PLXND1: variants seen among roughly 807,000 people sequenced by gnomAD.
PLXND1 encodes the protein plexin-D1.
In PLXND1, 54 loss-of-function variants were observed where a neutral mutation model predicts 197.7. The observed-to-expected ratio is 0.27, with a 90% CI of 0.22 to 0.34. PLXND1 has a LOEUF of 0.34. Ranked by LOEUF, PLXND1 falls within the 10% of genes least tolerant of loss-of-function variation. The pLI, the probability that PLXND1 is intolerant of heterozygous loss-of-function variation, is 1.00. For synonymous variants in PLXND1, 1,180 were observed against 1,161.2 expected (o/e 1.02, Z -0.33); for missense variants, 2,127 against 2,699.2 (o/e 0.79, Z 4.70).
chr3:129,589,494 G>A lies in PLXND1; in HGVS notation c.1345C>T (p.His449Tyr), dbSNP rs1370931234. Residue 449 changes from histidine to tyrosine, a missense_variant, in exon 2 of 36, where the codon CAC (histidine) becomes TAC (tyrosine). This residue lies in a region of PLXND1 where 1,095 missense variants were observed against 1,259.8 expected (regional missense o/e 0.87). Transcript: ENST00000324093. ...QPEQLDCGAA[H>Y]LQHPLSILQP... ...AGGATGGACAGCGGGTGCTGCAGGT[G>A]AGCAGCTCCACAGTCCAGCTGCTCT... is the stretch of plus-strand genomic sequence containing the variant. 6 of 1,602,586 alleles carry A rather than the reference G, an allele frequency of 3.7e-6. No individual in the cohort carries two copies. The highest frequency in any genetic ancestry group is 5.1e-6 in the Non-Finnish European group (6 of 1,175,298).
At chr3:129,581,039 T>C (rs4260435) in intron 8 of PLXND1, among the ~76,000 whole-genome samples, 120,552 of 152,170 alleles carry the variant, frequency 0.79, 47,961 homozygotes, top group African/African-American at 0.8. Flanking sequence ...TCCTCCACTT[T>C]GCACATCTTT....
Position 129,555,991 on chromosome 3 carries a change from T to C in PLXND1, c.*321A>G, listed in dbSNP as rs765195948. The C allele has an allele frequency of 7.1e-5, 23 of 323,298 alleles. No individual in the cohort carries two copies. The highest frequency in any genetic ancestry group is 1.3e-4 in the Non-Finnish European group (22 of 174,990). 20.0% of individuals were successfully genotyped at this position (323,298 alleles called of 1,614,324 possible). On this transcript the variant is annotated 3_prime_UTR_variant, in exon 36 of 36. Coordinates refer to ENST00000324093, the MANE Select transcript of PLXND1 (RefSeq NM_015103.3). ...TGGCCGCCTGGATGCACGGGGCTCT[T>C]GGCAGCAGGACCAACTGGACGTTGT...
chr3:129,565,488 T>A lies in PLXND1; in HGVS notation c.4373A>T (p.Tyr1458Phe), dbSNP rs1366987523. Reference sequence around the variant, plus strand: ...CAGCTCCTTCATGATGCTGGTGTAGTACTCCAGCTTGCCGTGCAGCGCGAT... The same window carrying A: ...CAGCTCCTTCATGATGCTGGTGTAGAACTCCAGCTTGCCGTGCAGCGCGAT... ...LTIALHGKLEYYTSIMKELLV... is the reference protein window; with the variant it reads ...LTIALHGKLEFYTSIMKELLV... Residue 1458 changes from tyrosine to phenylalanine, a missense_variant, in exon 25 of 36, where the codon TAC becomes TTC. Tyr to Phe is a conservative substitution (Grantham distance 22). Coordinates refer to ENST00000324093, the MANE Select transcript of PLXND1 (RefSeq NM_015103.3). 1.2e-6 allele frequency: 2 copies of A among 1,613,772 alleles called. No homozygotes were observed. The highest frequency in any genetic ancestry group is 2.7e-5 in the African/African-American group (2 of 74,918).
At position 129,596,316 on chromosome 3, in the gene PLXND1, G is replaced by A. The variant is rs372393697; in HGVS notation, c.1312-6789C>T. Among the ~76,000 whole-genome samples, 21 of 152,232 alleles carry A rather than the reference G, an allele frequency of 1.4e-4. No individual in the cohort carries two copies. In the South Asian group the frequency reaches 3.9e-3, roughly 29 times the overall value. ...ACACAGTAGTGGGAGCTCTGGCCTC[G>A]GCCTGCTCTGCCCTGGCGCCTGGGA... On this transcript the variant is annotated intron_variant, in intron 1 of 35. Coordinates refer to ENST00000324093, the MANE Select transcript of PLXND1 (RefSeq NM_015103.3).
rs1381654886 is a variant in PLXND1, at chr3:129,563,193, C to T, written c.4569G>A (p.Gln1523=). 6.2e-7 allele frequency: 1 copy of T among 1,612,404 alleles called. No individual in the cohort carries two copies. The highest frequency in any genetic ancestry group is 1.7e-5 in the Admixed American group (1 of 59,808). ...CGTCGATGGAGCCCTTGTTGATTTGCTGCTTGATGGCACACAGCAGCAGGA... is the reference window on the plus strand; with the variant it reads ...CGTCGATGGAGCCCTTGTTGATTTGTTGCTTGATGGCACACAGCAGCAGGA... ...PFFLLLCAIK[Q]QINKGSIDAI... The change falls in exon 26 of 36, where the codon CAG becomes CAA. Residue 1523 remains glutamine (Q), a synonymous_variant. Coordinates refer to ENST00000324093, the MANE Select transcript of PLXND1 (RefSeq NM_015103.3).
chr3:129,580,193 T>C (rs1336200356), intron 8 of PLXND1, among the ~76,000 whole-genome samples: 6 of 150,456 alleles, frequency 4.0e-5, no homozygotes, highest in Non-Finnish European at 5.9e-5. Context: ...GAGACCAGAG[T>C]GGTGAGTTCC....
At position 129,575,481 on chromosome 3, in the gene PLXND1, C is replaced by T. The variant is rs1198801529; in HGVS notation, c.2518G>A (p.Glu840Lys). The change falls in exon 11 of 36, where the codon GAG becomes AAG. Residue 840 changes from glutamate to lysine, a missense_variant. This residue lies in a region of PLXND1 where 1,095 missense variants were observed against 1,259.8 expected (regional missense o/e 0.87). Coordinates refer to ENST00000324093, the MANE Select transcript of PLXND1 (RefSeq NM_015103.3). Reference protein sequence around the residue: ...GRPARFLDSPEPMTVMVYNCA... With the variant: ...GRPARFLDSPKPMTVMVYNCA... ...TGGGGGTGCCCACCTGTCATGGGCT[C>T]AGGGCTGTCCAGGAATCGGGCTGGC... 6 of 1,552,212 alleles carry T rather than the reference C, an allele frequency of 3.9e-6. No individual in the cohort carries two copies. Among genetic ancestry groups the T allele is most frequent in the Non-Finnish European group, 5.2e-6 (6 of 1,147,058 alleles).
At chr3:129,593,956 T>C (rs1303185896) in intron 1 of PLXND1, among the ~76,000 whole-genome samples, 1 of 152,160 alleles carries the variant, frequency 6.6e-6, no homozygotes, top group Non-Finnish European at 1.5e-5. Flanking sequence ...AACTCTGACA[T>C]ATTGATTTTA....
At chr3:129,598,616 C>T (rs1303259363) in intron 1 of PLXND1, among the ~76,000 whole-genome samples, 1 of 152,172 alleles carries the variant, frequency 6.6e-6, no homozygotes, top group Non-Finnish European at 1.5e-5. Flanking sequence ...CTGCAGGCCA[C>T]CCTGAAAGGC....
At position 129,563,131 on chromosome 3, in the gene PLXND1, TCCTCAC is replaced by T; in HGVS notation, c.4625_4630del (p.Ser1542_Glu1544delinsLys). ...CTCGATGTTCTCCCGCAGCAGCCAC[TCCTCAC>T]TGAGTGTGTAGCGGGCCTTGCCTGT... On this transcript the variant is annotated inframe_deletion, in exon 26 of 36. Coordinates refer to ENST00000324093, the MANE Select transcript of PLXND1 (RefSeq NM_015103.3). 6.2e-7 allele frequency: 1 copy of T among 1,613,586 alleles called. No individual in the cohort carries two copies. The highest frequency in any genetic ancestry group is 8.5e-7 in the Non-Finnish European group (1 of 1,179,750).
intron 29 of PLXND1, 143 bp from the exon 30 acceptor site, chr3:129,560,866 GA>G (rs2085048050): frequency 1.4e-6 from 1 of 700,736 alleles, no homozygotes; most frequent in African/African-American, 1.8e-5. Context: ...GATGGAGAGA[GA>G]AACAGAAACG....
intron 9 of PLXND1, 67 bp downstream of exon 9, chr3:129,578,262 G>C (rs2085340813): frequency 1.0e-6 from 1 of 954,608 alleles, no homozygotes; most frequent in Non-Finnish European, 1.7e-6. Flanking sequence ...CATGGGGGCA[G>C]TTAGTGGCCT....
chr3:129,604,123 C>A (rs921663014), intron 1 of PLXND1, among the ~76,000 whole-genome samples: 1 of 152,206 alleles, frequency 6.6e-6, no homozygotes, highest in Non-Finnish European at 1.5e-5. Context: ...TTCCGTCAAC[C>A]TGGCCCCCCT....
chr3:129,595,921 G>GCACACACACACACACACACACA (rs57098603), intron 1 of PLXND1, among the ~76,000 whole-genome samples: 42 of 146,512 alleles, frequency 2.9e-4, no homozygotes, highest in African/African-American at 1.0e-3. Flanking sequence ...GTGCACGCAC[G>GCACACACACACACACACACACA]CACACACACA....
intron 24 of PLXND1, 112 bp from the exon 25 acceptor site, chr3:129,565,650 G>T: frequency 9.8e-7 from 1 of 1,017,208 alleles, no homozygotes; most frequent in Non-Finnish European, 1.5e-6. Flanking sequence ...GTGCCTGTGT[G>T]GGTGGGTCCT....
intron 12 of PLXND1, 72 bp downstream of exon 12, chr3:129,574,264 G>C: frequency 7.0e-7 from 1 of 1,419,090 alleles, no homozygotes; most frequent in Non-Finnish European, 9.4e-7. Flanking sequence ...CCAAGAAGTG[G>C]GACCCTCGAG....
chr3:129,586,287 G>C lies in PLXND1; in HGVS notation c.1621-15C>G. The C allele has an allele frequency of 6.5e-7, 1 of 1,544,116 alleles. No individual in the cohort carries two copies. The highest frequency in any genetic ancestry group is 8.7e-7 in the Non-Finnish European group (1 of 1,146,404). ...ACCCTGGCCATCTGGGGGCAGAGGT[G>C]GGGGCCCAGCTCAATGGGACTGCCA... On this transcript the variant is annotated splice_polypyrimidine_tract_variant and intron_variant, in intron 3 of 35. Coordinates refer to ENST00000324093, the MANE Select transcript of PLXND1 (RefSeq NM_015103.3).
chr3:129,561,263 C>T (rs904868446), intron 29 of PLXND1, among the ~76,000 whole-genome samples: 2 of 152,124 alleles, frequency 1.3e-5, no homozygotes, highest in African/African-American at 2.4e-5. Flanking sequence ...ATCCCGGGCT[C>T]GCAGGCCTGG....
intron 8 of PLXND1, among the ~76,000 whole-genome samples, chr3:129,581,018 T>C (rs2085380039): frequency 6.6e-6 from 1 of 152,018 alleles, no homozygotes; most frequent in Non-Finnish European, 1.5e-5. Flanking sequence ...GCTGAAGCCC[T>C]CCTTCCAGCA....
Sources: gnomAD v4.1 joint callset for allele counts (sites outside exome capture counted in the v4.1 genomes callset) on GRCh38, gnomAD v4.1.1 for gene constraint, gnomAD v4.1.1 regional missense constraint, MANE v1.5 for transcripts, NCBI Gene and HGNC (gene_info 2026-07-23, HGNC 2026-07-21) for gene names.